SORCS2: variants seen among roughly 807,000 people sequenced by gnomAD.
SORCS2 encodes the protein sortilin related VPS10 domain containing receptor 2.
In SORCS2, 100 loss-of-function variants were observed where a neutral mutation model predicts 141.6. That is an observed-to-expected ratio of 0.71 (90% CI 0.60 to 0.83). SORCS2 has a LOEUF of 0.83. SORCS2 is among the 40% of genes least tolerant of loss of function. The probability of loss-of-function intolerance (pLI) is 0.00; values close to 1 mark genes in which losing one functional copy is unlikely to be tolerated. For missense variants in SORCS2, 1,646 were observed against 1,560.2 expected, an observed-to-expected ratio of 1.05 and a Z score of -0.93; for synonymous variants, 789 against 676.9, an observed-to-expected ratio of 1.17 and a Z score of -2.57.
At chr4:7,505,492 A>G (rs1046301956) in intron 2 of SORCS2, among the ~76,000 whole-genome samples, 2 of 152,180 alleles carry the variant, frequency 1.3e-5, no homozygotes, top group African/African-American at 4.8e-5. Context: ...AGTTGAGCCC[A>G]GAGACATCTG....
chr4:7,520,513 G>A (rs1198884875), intron 2 of SORCS2, among the ~76,000 whole-genome samples: 3 of 152,192 alleles, frequency 2.0e-5, no homozygotes, highest in Non-Finnish European at 4.4e-5. Context: ...ATTCTGGAAC[G>A]ATCTGCTAGT....
chr4:7,598,840 C>G (rs913210280), intron 3 of SORCS2, among the ~76,000 whole-genome samples: 2 of 152,326 alleles, frequency 1.3e-5, no homozygotes, highest in South Asian at 2.1e-4. Context: ...GTTCTCCCCC[C>G]CAGGCTGTGC....
At chr4:7,585,449 G>A (rs1019099700) in intron 3 of SORCS2, among the ~76,000 whole-genome samples, 6 of 152,196 alleles carry the variant, frequency 3.9e-5, no homozygotes, top group Non-Finnish European at 8.8e-5. Context: ...CTGGTCCCCT[G>A]TGTCAGGCAA....
In SORCS2 at chr4:7,616,978, G is replaced by T. The variant is rs1046903496; in HGVS notation, c.649-21350G>T. Among the ~76,000 whole-genome samples the T allele has an allele frequency of 2.6e-5, 4 of 152,316 alleles. No homozygotes were observed. In the East Asian group the frequency reaches 5.8e-4, roughly 22 times the overall value. On this transcript the variant is annotated intron_variant, in intron 3 of 26. Coordinates refer to ENST00000507866, the MANE Select transcript of SORCS2 (RefSeq NM_020777.3). ...TCTTGGCCCTTTTGAGCTTTGCAGG[G>T]CTCCAGCAGGTGGACAATTGGTCAC...
chr4:7,234,027 G>T (rs1244660284), intron 1 of SORCS2, among the ~76,000 whole-genome samples: 1 of 152,098 alleles, frequency 6.6e-6, no homozygotes, highest in Non-Finnish European at 1.5e-5. Context: ...AGGCATAGGG[G>T]TTAATGGACC....
At chr4:7,556,735 C>T (rs959177643) in intron 3 of SORCS2, among the ~76,000 whole-genome samples, 38 of 151,700 alleles carry the variant, frequency 2.5e-4, no homozygotes, top group African/African-American at 8.7e-4. Flanking sequence ...ACCCACCATC[C>T]ATGTGTCCAC....
chr4:7,722,426 G>A (rs540714582), intron 18 of SORCS2, among the ~76,000 whole-genome samples: 2 of 152,238 alleles, frequency 1.3e-5, no homozygotes, highest in Admixed American at 6.5e-5. Context: ...CTCCTTCCTA[G>A]GGACCCCATA....
At chr4:7,700,944 T>C (rs1192444020) in intron 12 of SORCS2, among the ~76,000 whole-genome samples, 1 of 152,236 alleles carries the variant, frequency 6.6e-6, no homozygotes, top group African/African-American at 2.4e-5. Flanking sequence ...ACTGTGTCTC[T>C]GAGCCTCAGT....
chr4:7,361,827 T>C (rs1283105531), intron 1 of SORCS2, among the ~76,000 whole-genome samples: 1 of 143,612 alleles, frequency 7.0e-6, no homozygotes, highest in African/African-American at 2.6e-5. Context: ...TAAAGCAGCC[T>C]CCAGGGTCTC....
At chr4:7,541,373 G>C (rs922259116) in intron 3 of SORCS2, among the ~76,000 whole-genome samples, 2 of 152,240 alleles carry the variant, frequency 1.3e-5, no homozygotes, top group Non-Finnish European at 2.9e-5. Context: ...TTTCCATTCT[G>C]CTGGTAATTT....
intron 3 of SORCS2, among the ~76,000 whole-genome samples, chr4:7,582,603 TCTATTGAAA>T (rs1412535866): frequency 1.3e-5 from 2 of 152,090 alleles, no homozygotes; most frequent in Non-Finnish European, 2.9e-5. Flanking sequence ...CTCGCTGCAA[TCTATTGAAA>T]GTCAGCCCTC....
chr4:7,384,503 C>T (rs75823445), intron 1 of SORCS2, among the ~76,000 whole-genome samples: 8,477 of 152,160 alleles, frequency 0.056, 277 homozygotes, highest in South Asian at 0.087. Flanking sequence ...GGTTAAGGTG[C>T]GTACACGGGG....
chr4:7,301,530 T>C (rs962041135), intron 1 of SORCS2, among the ~76,000 whole-genome samples: 2 of 152,216 alleles, frequency 1.3e-5, no homozygotes, highest in African/African-American at 4.8e-5. Context: ...CCCCTGAGTA[T>C]GGGCCCACAT....
Position 7,712,479 on chromosome 4 carries a change from C to T in SORCS2, c.1869-254C>T, listed in dbSNP as rs557609454. Among the ~76,000 whole-genome samples the T allele has an allele frequency of 1.2e-4, 18 of 152,342 alleles. No individual in the cohort carries two copies. The East Asian group carries it at 1.4e-3, about 11-fold the overall frequency. ...ACTGGGGGCCAACCAGAGCGACTCACGCAGTGCAATTGACAAGTCATAGAT... is the reference window on the plus strand; with the variant it reads ...ACTGGGGGCCAACCAGAGCGACTCATGCAGTGCAATTGACAAGTCATAGAT... On this transcript the variant is annotated intron_variant, in intron 14 of 26. Coordinates refer to ENST00000507866, the MANE Select transcript of SORCS2 (RefSeq NM_020777.3).
chr4:7,650,657 A>AC, intron 4 of SORCS2, among the ~76,000 whole-genome samples: 1 of 151,984 alleles, frequency 6.6e-6, no homozygotes, highest in Non-Finnish European at 1.5e-5. Context: ...AGGCCATGAC[A>AC]GGGAGGCAGA....
chr4:7,547,561 G>C (rs35707377), intron 3 of SORCS2, among the ~76,000 whole-genome samples: 1 of 152,154 alleles, frequency 6.6e-6, no homozygotes, highest in Admixed American at 6.5e-5. Context: ...CCCATGCTCC[G>C]ACACATCTGG....
At chr4:7,226,204 C>A (rs1728981967) in intron 1 of SORCS2, among the ~76,000 whole-genome samples, 1 of 152,178 alleles carries the variant, frequency 6.6e-6, no homozygotes, top group South Asian at 2.1e-4. Context: ...ACCAGGCATG[C>A]ATTACCTTTT....
intron 3 of SORCS2, among the ~76,000 whole-genome samples, chr4:7,637,506 G>A (rs1023064655): frequency 8.5e-5 from 13 of 152,218 alleles, no homozygotes; most frequent in African/African-American, 3.1e-4. Flanking sequence ...CACGTTCATG[G>A]CAGAGGCTGT....
intron 4 of SORCS2, among the ~76,000 whole-genome samples, chr4:7,639,656 AGT>A (rs1035792376): frequency 5.0e-5 from 7 of 140,492 alleles, no homozygotes; most frequent in Non-Finnish European, 7.8e-5. Flanking sequence ...TATGAATGTG[AGT>A]GTGTGCAAAT....
Sources: allele counts gnomAD v4.1 joint callset (sites outside exome capture counted in the v4.1 genomes callset), GRCh38; gene constraint gnomAD v4.1.1; transcripts MANE v1.5; gene names NCBI Gene and HGNC (gene_info 2026-07-23, HGNC 2026-07-21).